KAT2B: variants seen among roughly 807,000 people sequenced by gnomAD.
KAT2B encodes the protein histone acetyltransferase KAT2B.
Under a neutral mutation model 105.9 loss-of-function variants are expected in KAT2B, and 36 were observed. The ratio of observed to expected loss-of-function variants is 0.34; its 90% CI spans 0.26 to 0.45. KAT2B has a LOEUF of 0.45. KAT2B is among the 20% of genes least tolerant of loss of function. The pLI is 1.00. For synonymous variants in KAT2B, 397 were observed against 377.9 expected (o/e 1.05, Z -0.59); for missense variants, 820 against 1,021.6 (o/e 0.80, Z 2.69).
chr3:20,047,636 C>T (rs1021716848), intron 1 of KAT2B, among the ~76,000 whole-genome samples: 60 of 139,196 alleles, frequency 4.3e-4, no homozygotes, highest in Non-Finnish European at 8.9e-4. Context: ...GAGACGGAGC[C>T]TCACTCTGTC....
chr3:20,058,421 C>T (rs1698038086), intron 1 of KAT2B, among the ~76,000 whole-genome samples: 1 of 144,160 alleles, frequency 6.9e-6, no homozygotes, highest in East Asian at 2.1e-4. Context: ...CGCCACTGCA[C>T]CGTAGCCTGG....
chr3:20,139,059 A>AT (rs11391032), intron 12 of KAT2B, among the ~76,000 whole-genome samples: 26,656 of 146,982 alleles, frequency 0.18, 4,527 homozygotes, highest in East Asian at 0.42. Context: ...ATGCCCAGCA[A>AT]TTTTTTTTTT....
chr3:20,052,456 C>A (rs1264846923), intron 1 of KAT2B, among the ~76,000 whole-genome samples: 1 of 151,970 alleles, frequency 6.6e-6, no homozygotes, highest in African/African-American at 2.4e-5. Flanking sequence ...GTGGATCATA[C>A]CTTGCACATA....
At chr3:20,111,549 C>T in intron 5 of KAT2B, 47 bp from the exon 6 acceptor site, 3 of 1,443,780 alleles carry the variant, frequency 2.1e-6, no homozygotes, top group Non-Finnish European at 2.8e-6. Flanking sequence ...TTCTGATGAC[C>T]TGGGGGTTTA....
chr3:20,121,732 A>ATGTGTGTGTGTGTG (rs3840188), intron 8 of KAT2B, among the ~76,000 whole-genome samples: 3 of 109,776 alleles, frequency 2.7e-5, no homozygotes, highest in African/African-American at 1.0e-4. Context: ...ACATATGCAT[A>ATGTGTGTGTGTGTG]TGTGTGTGTG....
intron 1 of KAT2B, among the ~76,000 whole-genome samples, chr3:20,062,200 TTTTATATAAA>T (rs1698136417): frequency 2.1e-5 from 1 of 48,596 alleles, no homozygotes; most frequent in Non-Finnish European, 3.9e-5. Flanking sequence ...AATATATATA[TTTTATATAAA>T]ATATATTATA....
rs761625144 is a variant in KAT2B at position 20,101,423 on chromosome 3, G to A, written c.806G>A (p.Arg269Gln). ...GAGGCACCATCTCAACGAAGACTGC[G>A]ATCTCCCAATGATGATATTTCTGGA... Reference protein sequence around the residue: ...HLEAPSQRRLRSPNDDISGYK... With the variant: ...HLEAPSQRRLQSPNDDISGYK... The change falls in exon 5 of 18, where the codon CGA (arginine) becomes CAA (glutamine). Residue 269 changes from arginine to glutamine, a missense_variant. Arg to Gln is a conservative substitution (Grantham distance 43). Coordinates refer to ENST00000263754, the MANE Select transcript of KAT2B (RefSeq NM_003884.5). The A allele has an allele frequency of 8.1e-6, 13 of 1,613,940 alleles. No homozygotes were observed. Among genetic ancestry groups the A allele is most frequent in the Non-Finnish European group, 1.0e-5 (12 of 1,179,960 alleles).
Position 20,099,875 on chromosome 3 carries a change from C to G in KAT2B, c.590C>G (p.Ser197Cys). Residue 197 changes from serine (S) to cysteine (C), a missense_variant, in exon 4 of 18, where the codon TCT (serine) becomes TGT (cysteine). Transcript: ENST00000263754. ...YFYLFKLLRK[S>C]ILQRGKPVVE... ...ATTTCTTTGCAGCTCTTGAGAAAGT[C>G]TATTTTACAAAGAGGAAAACCTGTG... 1.9e-6 allele frequency: 3 copies of G among 1,587,088 alleles called. No individual in the cohort carries two copies. Among genetic ancestry groups the G allele is most frequent in the East Asian group, 4.5e-5 (2 of 44,650 alleles).
chr3:20,115,078 A>G (rs1183681825), intron 7 of KAT2B, 90 bp downstream of exon 7: 10 of 768,420 alleles, frequency 1.3e-5, no homozygotes, highest in Non-Finnish European at 1.6e-5. Context: ...ACTTAGCTCT[A>G]TAGTCAAATG....
chr3:20,111,853 A>G, intron 6 of KAT2B, 66 bp downstream of exon 6: 1 of 1,220,474 alleles, frequency 8.2e-7, no homozygotes, highest in Non-Finnish European at 1.2e-6. Context: ...TACAATGCCA[A>G]AGCCTGCATA....
At chr3:20,140,473 G>T (rs1051391480) in intron 13 of KAT2B, 109 bp downstream of exon 13, 8 of 1,066,560 alleles carry the variant, frequency 7.5e-6, no homozygotes, top group Non-Finnish European at 2.7e-6. Context: ...GCAAACTCTC[G>T]GTTTGCTGTG....
intron 8 of KAT2B, among the ~76,000 whole-genome samples, chr3:20,121,732 A>ATGTGTGTGTGTGTGTG (rs3840188): frequency 9.1e-6 from 1 of 109,776 alleles, no homozygotes; most frequent in Non-Finnish European, 2.0e-5. Context: ...ACATATGCAT[A>ATGTGTGTGTGTGTGTG]TGTGTGTGTG....
chr3:20,106,979 G>GTATATATATATA (rs869172127), intron 5 of KAT2B, among the ~76,000 whole-genome samples: 4 of 33,490 alleles, frequency 1.2e-4, no homozygotes, highest in Admixed American at 6.1e-4. Context: ...ATATATATAT[G>GTATATATATATA]TATATATATA....
chr3:20,093,747 C>T (rs1229316423), intron 2 of KAT2B, among the ~76,000 whole-genome samples: 5 of 152,138 alleles, frequency 3.3e-5, no homozygotes, highest in African/African-American at 1.2e-4. Context: ...AATCTTCAAG[C>T]ATTTTTAAGC....
intron 13 of KAT2B, among the ~76,000 whole-genome samples, chr3:20,144,602 C>CTT (rs200001128): frequency 0.18 from 25,893 of 143,008 alleles, 2,625 homozygotes; most frequent in East Asian, 0.38. Flanking sequence ...TTTCTTTTTT[C>CTT]TTTTTTTTTT....
At chr3:20,079,098 G>A (rs1297252756) in intron 2 of KAT2B, among the ~76,000 whole-genome samples, 1 of 150,270 alleles carries the variant, frequency 6.7e-6, no homozygotes, top group Non-Finnish European at 1.5e-5. Context: ...AGTGGATTTT[G>A]CCAAGTTAGC....
rs1699898384 is a variant in KAT2B at position 20,153,237 on chromosome 3, C to A, written c.*712C>A. ...TAACCACTATTTTAATAATTATTTT[C>A]TCTACACAAATGTGTAATATCATAT... On this transcript the variant is annotated 3_prime_UTR_variant, in exon 18 of 18. Transcript: ENST00000263754. 1 of 152,284 alleles carries A rather than the reference C, an allele frequency of 6.6e-6. No individual in the cohort carries two copies. Among genetic ancestry groups the A allele is most frequent in the Non-Finnish European group, 1.5e-5 (1 of 67,966 alleles). 9.4% of individuals were successfully genotyped at this position (152,284 alleles called of 1,614,324 possible).
rs966898 is a variant in KAT2B, at chr3:20,142,085, C to T, written c.2004+1721C>T. ...TCCCAGCAGCACTAATTCATCCCCA[C>T]GGTGTTAGCTGAGAGCAGGATTCCC... On this transcript the variant is annotated intron_variant, in intron 13 of 17. Coordinates refer to ENST00000263754, the MANE Select transcript of KAT2B (RefSeq NM_003884.5). Among the ~76,000 whole-genome samples, 391 of 152,298 alleles carry T rather than the reference C, an allele frequency of 2.6e-3. 1 individual carries two copies. The highest frequency in any genetic ancestry group is 4.5e-3 in the Non-Finnish European group (308 of 68,020).
chr3:20,132,946 T>C (rs1699536596), intron 11 of KAT2B, among the ~76,000 whole-genome samples: 1 of 152,226 alleles, frequency 6.6e-6, no homozygotes, highest in Admixed American at 6.5e-5. Context: ...GAAGACACAT[T>C]TCTTACTAAT....
Sources: allele counts gnomAD v4.1 joint callset (sites outside exome capture counted in the v4.1 genomes callset), GRCh38; gene constraint gnomAD v4.1.1; transcripts MANE v1.5; gene names NCBI Gene and HGNC (gene_info 2026-07-23, HGNC 2026-07-21).